Variants in HTR1F observed in about 807,000 individuals in gnomAD.
HTR1F encodes 5-hydroxytryptamine receptor 1F.
Under a neutral mutation model 24.0 loss-of-function variants are expected in HTR1F, and 17 were observed. The observed-to-expected ratio is 0.71, with a 90% CI of 0.48 to 1.06. HTR1F has a LOEUF of 1.06. HTR1F is among the 50% of genes least tolerant of loss of function. HTR1F has a pLI of 0.00. For synonymous variants in HTR1F, 186 were observed against 156.8 expected (o/e 1.19, Z -1.39); for missense variants, 391 against 427.8 (o/e 0.91, Z 0.76).
intron 2 of HTR1F, among the ~76,000 whole-genome samples, chr3:87,825,062 G>A (rs1198569680): frequency 6.6e-6 from 1 of 152,124 alleles, no homozygotes; most frequent in Non-Finnish European, 1.5e-5. Flanking sequence ...TTGTGCAATG[G>A]TCAAAGCACA....
At chr3:87,870,250 G>A (rs1467803345) in intron 2 of HTR1F, among the ~76,000 whole-genome samples, 1 of 152,048 alleles carries the variant, frequency 6.6e-6, no homozygotes, top group Non-Finnish European at 1.5e-5. Flanking sequence ...TTCCCCACAA[G>A]TTATCATTAT....
chr3:87,896,326 C>A (rs1706198677), intron 2 of HTR1F, among the ~76,000 whole-genome samples: 1 of 152,214 alleles, frequency 6.6e-6, no homozygotes, highest in Non-Finnish European at 1.5e-5. Flanking sequence ...AAGGGACATA[C>A]AGTCCATCTA....
chr3:87,823,538 A>T (rs201623389), intron 2 of HTR1F, among the ~76,000 whole-genome samples: 2 of 140,732 alleles, frequency 1.4e-5, no homozygotes, highest in African/African-American at 5.5e-5. Context: ...TTTTTGAGAC[A>T]CGGTCTCATG....
intron 2 of HTR1F, among the ~76,000 whole-genome samples, chr3:87,979,398 T>C (rs1244035192): frequency 6.6e-6 from 1 of 152,084 alleles, no homozygotes; most frequent in African/African-American, 2.4e-5. Context: ...CTGTCCTCTG[T>C]GTCCTAAGTC....
intron 2 of HTR1F, among the ~76,000 whole-genome samples, chr3:87,860,554 T>G (rs928829801): frequency 1.8e-4 from 28 of 152,316 alleles, no homozygotes; most frequent in African/African-American, 6.5e-4. Flanking sequence ...TTAGTTGATT[T>G]GAAAAACTAA....
At chr3:87,873,131 C>CAGAGAGAG (rs201205553) in intron 2 of HTR1F, among the ~76,000 whole-genome samples, 1,675 of 112,444 alleles carry the variant, frequency 0.015, 37 homozygotes, top group African/African-American at 0.051. Context: ...CACACACACA[C>CAGAGAGAG]ACAGAGAGAT....
chr3:87,987,695 A>T (rs1177939338), intron 2 of HTR1F, among the ~76,000 whole-genome samples: 1 of 124,898 alleles, frequency 8.0e-6, no homozygotes, highest in East Asian at 2.3e-4. Context: ...TATATATATA[A>T]AATATATGTA....
chr3:87,924,318 A>ATAGGT (rs1285527353), intron 2 of HTR1F, among the ~76,000 whole-genome samples: 1 of 152,034 alleles, frequency 6.6e-6, no homozygotes, highest in Non-Finnish European at 1.5e-5. Flanking sequence ...GTTCTTATTG[A>ATAGGT]TAGGTTAAGA....
intron 2 of HTR1F, among the ~76,000 whole-genome samples, chr3:87,844,983 T>C (rs1382998440): frequency 1.3e-5 from 2 of 151,962 alleles, no homozygotes; most frequent in African/African-American, 2.4e-5. Context: ...TCCAGCTTTG[T>C]TCTTTTGGCT....
intron 1 of HTR1F, among the ~76,000 whole-genome samples, chr3:87,813,635 C>G (rs1429366565): frequency 6.6e-6 from 1 of 151,988 alleles, no homozygotes; most frequent in Non-Finnish European, 1.5e-5. Flanking sequence ...GCTCTGTGTC[C>G]CCACTCAAAT....
chr3:87,849,176 C>T (rs567471197), intron 2 of HTR1F, among the ~76,000 whole-genome samples: 19 of 151,922 alleles, frequency 1.3e-4, no homozygotes, highest in Admixed American at 9.8e-4. Flanking sequence ...AAGAACAAAG[C>T]TGGAGGCATC....
chr3:87,921,755 C>T (rs1460592644), intron 2 of HTR1F, among the ~76,000 whole-genome samples: 1 of 151,832 alleles, frequency 6.6e-6, no homozygotes, highest in African/African-American at 2.4e-5. Context: ...ATAGTAACAA[C>T]TATTCGAATC....
At chr3:87,928,854 C>T (rs147067870) in intron 2 of HTR1F, among the ~76,000 whole-genome samples, 13 of 152,274 alleles carry the variant, frequency 8.5e-5, no homozygotes, top group African/African-American at 3.1e-4. Flanking sequence ...AAGGGTACAA[C>T]ATTTCAGTTC....
chr3:87,984,241 C>T (rs144826323), intron 2 of HTR1F, among the ~76,000 whole-genome samples: 1 of 152,188 alleles, frequency 6.6e-6, no homozygotes, highest in Non-Finnish European at 1.5e-5. Context: ...AATTAATTAT[C>T]CCTCACCAGT....
chr3:87,880,860 G>C (rs955014411), intron 2 of HTR1F, among the ~76,000 whole-genome samples: 16 of 152,144 alleles, frequency 1.1e-4, no homozygotes, highest in African/African-American at 3.9e-4. Context: ...ACTGTAATTG[G>C]AGACTTATCA....
intron 2 of HTR1F, among the ~76,000 whole-genome samples, chr3:87,891,692 G>A (rs1394618377): frequency 6.6e-6 from 1 of 152,058 alleles, no homozygotes; most frequent in African/African-American, 2.4e-5. Context: ...CATTATTTCA[G>A]GTCAAGTGAT....
At chr3:87,869,454 T>TAGATGATAGATGATAGATAGATAGATA (rs113301497) in intron 2 of HTR1F, among the ~76,000 whole-genome samples, 1 of 124,772 alleles carries the variant, frequency 8.0e-6, no homozygotes, top group African/African-American at 3.6e-5. Context: ...GATAGATAGA[T>TAGATGATAGATGATAGATAGATAGATA]GATAGATAGA....
intron 2 of HTR1F, among the ~76,000 whole-genome samples, chr3:87,970,738 G>C (rs1382997003): frequency 1.3e-5 from 2 of 152,080 alleles, no homozygotes; most frequent in Admixed American, 6.5e-5. Flanking sequence ...TTCCCTATTG[G>C]TGTCTTTATT....
intron 2 of HTR1F, among the ~76,000 whole-genome samples, chr3:87,848,458 GT>G (rs1331171482): frequency 6.6e-6 from 1 of 151,594 alleles, no homozygotes; most frequent in Non-Finnish European, 1.5e-5. Flanking sequence ...CCTTCAAGAG[GT>G]TGTCTCTTCA....
Sources: gnomAD v4.1 joint callset for allele counts (sites outside exome capture counted in the v4.1 genomes callset) on GRCh38, gnomAD v4.1.1 for gene constraint, MANE v1.5 for transcripts, NCBI Gene and HGNC (gene_info 2026-07-23, HGNC 2026-07-21) for gene names.